The following EMB variants were observed in gnomAD, a reference collection of about 807,000 sequenced individuals.
The protein encoded by EMB is embigin homolog.
EMB carries 31 observed loss-of-function variants against 41.4 expected under a neutral mutation model. That is an observed-to-expected ratio of 0.75 (90% CI 0.56 to 1.01). The LOEUF (loss-of-function observed/expected upper bound fraction) is 1.01, where lower values mean the gene tolerates loss of function less well. Ranked by LOEUF, EMB falls within the 50% of genes least tolerant of loss-of-function variation. The pLI is 0.00. For synonymous variants in EMB, 137 were observed against 140.4 expected (o/e 0.98, Z 0.17); for missense variants, 379 against 388.3 (o/e 0.98, Z 0.20).
chr5:50,442,663 G>A (rs1456120453), upstream of EMB, among the ~76,000 whole-genome samples: 1 of 152,190 alleles, frequency 6.6e-6, no homozygotes, highest in Non-Finnish European at 1.5e-5. Context: ...CTTATACACT[G>A]TTGACCCTCT....
intron 2 of EMB, among the ~76,000 whole-genome samples, chr5:50,414,528 C>CAAAAAAAA (rs34645448): frequency 2.1e-5 from 1 of 46,704 alleles, no homozygotes; most frequent in East Asian, 8.6e-4. Flanking sequence ...CTGTCTCAGG[C>CAAAAAAAA]AAAAAAAAAA....
chr5:50,436,204 T>C (rs1021742548), intron 1 of EMB, among the ~76,000 whole-genome samples: 1 of 152,174 alleles, frequency 6.6e-6, no homozygotes, highest in African/African-American at 2.4e-5. Flanking sequence ...ATGATACGTA[T>C]TCATCATACA....
chr5:50,433,838 G>C (rs2111863750), intron 1 of EMB, among the ~76,000 whole-genome samples: 1 of 152,282 alleles, frequency 6.6e-6, no homozygotes, highest in Middle Eastern at 3.4e-3. Context: ...TTCCTCCTCT[G>C]AACTCTTGAG....
rs528283192 is a variant in EMB, at chr5:50,438,631, A to C, written c.112+2409T>G. Reference sequence around the variant, plus strand: ...ACATCTAGGTCAAAAATATCCAGTAAACCTCACAATATCCTTTGGCAAAGA... The same window carrying C: ...ACATCTAGGTCAAAAATATCCAGTACACCTCACAATATCCTTTGGCAAAGA... On this transcript the variant is annotated intron_variant, in intron 1 of 8. Coordinates refer to ENST00000303221, the MANE Select transcript of EMB (RefSeq NM_198449.3). 1.4e-4 allele frequency among the ~76,000 whole-genome samples: 21 copies of C among 152,316 alleles called. No individual in the cohort carries two copies. The East Asian group carries it at 3.9e-3, about 28-fold the overall frequency.
chr5:50,428,237 A>G lies in EMB; in HGVS notation c.113-10T>C. 6.3e-7 allele frequency: 1 copy of G among 1,582,076 alleles called. No homozygotes were observed. Among genetic ancestry groups the G allele is most frequent in the South Asian group, 1.1e-5 (1 of 90,114 alleles). On this transcript the variant is annotated splice_polypyrimidine_tract_variant and intron_variant, in intron 1 of 8. Coordinates refer to ENST00000303221, the MANE Select transcript of EMB (RefSeq NM_198449.3). ...CTTGTAAAAGGCGAATCTATAAGAGAAAGAACACATGATTACACACTCTTA... is the reference window on the plus strand; with the variant it reads ...CTTGTAAAAGGCGAATCTATAAGAGGAAGAACACATGATTACACACTCTTA...
chr5:50,430,521 T>A (rs9292005), intron 1 of EMB, among the ~76,000 whole-genome samples: 1 of 151,878 alleles, frequency 6.6e-6, no homozygotes, highest in Non-Finnish European at 1.5e-5. Flanking sequence ...CACTTGGTAC[T>A]GATGGAGAAT....
intron 5 of EMB, among the ~76,000 whole-genome samples, 184 bp from the exon 6 acceptor site, chr5:50,403,638 GCAAA>G (rs1224978609): frequency 1.3e-5 from 2 of 151,816 alleles, no homozygotes; most frequent in Non-Finnish European, 1.5e-5. Flanking sequence ...CTCCCAGGGA[GCAAA>G]CAAAGAAAAA....
At chr5:50,399,333 G>A (rs1745121221) in intron 8 of EMB, 43 bp from the exon 9 acceptor site, 5 of 1,598,660 alleles carry the variant, frequency 3.1e-6, no homozygotes, top group Non-Finnish European at 4.3e-6. Flanking sequence ...AGTATGTTCT[G>A]GTTATTTTAT....
At chr5:50,402,345 T>C in intron 6 of EMB, 26 bp from the exon 7 acceptor site, 1 of 1,605,098 alleles carries the variant, frequency 6.2e-7, no homozygotes, top group Non-Finnish European at 8.5e-7. Context: ...AGAATTTGAC[T>C]GTGAAGTTGG....
At chr5:50,408,964 G>T (rs1323739600) in intron 4 of EMB, among the ~76,000 whole-genome samples, 1 of 151,740 alleles carries the variant, frequency 6.6e-6, no homozygotes, top group Admixed American at 6.6e-5. Context: ...ATATCTTCAA[G>T]ATATAATACA....
rs758904345 is a variant in EMB, at chr5:50,403,461, T to C, written c.601-7A>G. On this transcript the variant is annotated splice_region_variant and splice_polypyrimidine_tract_variant and intron_variant, in intron 5 of 8. Coordinates refer to ENST00000303221, the MANE Select transcript of EMB (RefSeq NM_198449.3). ...TTTGAACACCAACAGGAACCTAATA[T>C]GAGGAGACATTAAAATCCATTCCTA... 1.2e-6 allele frequency: 2 copies of C among 1,610,810 alleles called. No homozygotes were observed. Among genetic ancestry groups the C allele is most frequent in the African/African-American group, 2.7e-5 (2 of 74,814 alleles).
chr5:50,441,605 C>G (rs1745917642), upstream of EMB, among the ~76,000 whole-genome samples: 1 of 152,144 alleles, frequency 6.6e-6, no homozygotes, highest in African/African-American at 2.4e-5. Flanking sequence ...ACACTTTTCT[C>G]CTCCCGGACC....
In EMB at chr5:50,397,722, T is replaced by C. The variant is rs1211517026; in HGVS notation, c.*1551A>G. ...ATAATTAATTAAACTAAAATAAATG[T>C]ATGGCCCTGAGACCAGAATAAAATG... is the stretch of plus-strand genomic sequence containing the variant. On this transcript the variant is annotated 3_prime_UTR_variant, in exon 9 of 9. Coordinates refer to ENST00000303221, the MANE Select transcript of EMB (RefSeq NM_198449.3). 2 of 152,074 alleles carry C rather than the reference T, an allele frequency of 1.3e-5. No homozygotes were observed. The highest frequency in any genetic ancestry group is 4.8e-5 in the African/African-American group (2 of 41,432). The allele number at this position is 152,074 out of a possible 1,614,324, so 9.4% of individuals were successfully genotyped here.
In EMB at chr5:50,410,897, C is replaced by T. The variant is rs267600647; in HGVS notation, c.452G>A (p.Arg151Lys). Reference sequence around the variant, plus strand: ...CTGACCTTTGAAATTAAATGTTCCCCTTTGTTCCTTTTCCTCTCGAAAGAA... The same window carrying T: ...CTGACCTTTGAAATTAAATGTTCCCTTTTGTTCCTTTTCCTCTCGAAAGAA... ...SCFFREEKEQ[R>K]GTFNFKVPEL... The change falls in exon 4 of 9, where the codon AGG becomes AAG. Residue 151 changes from arginine to lysine, a missense_variant. By Grantham distance (26) the Arg-to-Lys change is conservative. Transcript: ENST00000303221. 6.2e-7 allele frequency: 1 copy of T among 1,603,434 alleles called. No individual in the cohort carries two copies. Among genetic ancestry groups the T allele is most frequent in the Admixed American group, 1.7e-5 (1 of 58,096 alleles).
At chr5:50,400,484 T>TA (rs1022919886) in intron 7 of EMB, among the ~76,000 whole-genome samples, 14 of 151,912 alleles carry the variant, frequency 9.2e-5, no homozygotes, top group African/African-American at 3.4e-4. Flanking sequence ...CAGTGTTACT[T>TA]ACAATTAACT....
chr5:50,404,904 A>G (rs2111776578), intron 5 of EMB, among the ~76,000 whole-genome samples: 1 of 151,942 alleles, frequency 6.6e-6, no homozygotes, highest in South Asian at 2.1e-4. Context: ...TAATAACACC[A>G]ATTTTGCCTA....
At chr5:50,426,934 C>T (rs73110311) in intron 2 of EMB, among the ~76,000 whole-genome samples, 43 of 151,302 alleles carry the variant, frequency 2.8e-4, no homozygotes, top group African/African-American at 9.5e-4. Flanking sequence ...ACACAAAGCA[C>T]CTGCCCGGGG....
rs1745063297 is a variant in EMB, at chr5:50,396,220, T to G, written c.*3053A>C. The G allele has an allele frequency of 6.6e-6, 1 of 152,188 alleles. No homozygotes were observed. The highest frequency in any genetic ancestry group is 1.9e-4 in the East Asian group (1 of 5,184). The allele number at this position is 152,188 out of a possible 1,614,324, so 9.4% of individuals were successfully genotyped here. A position where few individuals can be genotyped will look rare whatever the true frequency, so the allele number is the denominator to read the frequency against. On this transcript the variant is annotated 3_prime_UTR_variant, in exon 9 of 9. Transcript: ENST00000303221. Reference sequence around the variant, plus strand: ...AGTTATAAAAGCTTGTTTTTCTTTATTAGAATACTTTTTTCAATTCTGATT... The same window carrying G: ...AGTTATAAAAGCTTGTTTTTCTTTAGTAGAATACTTTTTTCAATTCTGATT...
At chr5:50,417,027 GT>G in intron 2 of EMB, among the ~76,000 whole-genome samples, 1 of 152,300 alleles carries the variant, frequency 6.6e-6, no homozygotes, top group African/African-American at 2.4e-5. Context: ...TGAAGGAGAA[GT>G]CACAGAGCTG....
Sources: allele counts gnomAD v4.1 joint callset (sites outside exome capture counted in the v4.1 genomes callset), GRCh38; gene constraint gnomAD v4.1.1; transcripts MANE v1.5; gene names NCBI Gene and HGNC (gene_info 2026-07-23, HGNC 2026-07-21).